PRKACA: variants seen among roughly 807,000 people sequenced by gnomAD.
The protein encoded by PRKACA is cAMP-dependent protein kinase catalytic subunit alpha.
Under a neutral mutation model 45.8 loss-of-function variants are expected in PRKACA, and 9 were observed. That is an observed-to-expected ratio of 0.20 (90% CI 0.12 to 0.34). PRKACA has a LOEUF of 0.34. Ranked by LOEUF, PRKACA falls within the 10% of genes least tolerant of loss-of-function variation. PRKACA has a pLI of 1.00. For missense variants in PRKACA, 238 were observed against 458.6 expected, an observed-to-expected ratio of 0.52 and a Z score of 4.39; for synonymous variants, 160 against 178.6, an observed-to-expected ratio of 0.90 and a Z score of 0.83.
intron 8 of PRKACA, among the ~76,000 whole-genome samples, chr19:14,095,809 C>T (rs1468754222): frequency 6.6e-6 from 1 of 152,114 alleles, no homozygotes; most frequent in Non-Finnish European, 1.5e-5. Context: ...AGCCACCGCG[C>T]CTGGCCTTCA....
chr19:14,101,455 A>T (rs1191160325), intron 4 of PRKACA, among the ~76,000 whole-genome samples: 1 of 152,086 alleles, frequency 6.6e-6, no homozygotes, highest in Non-Finnish European at 1.5e-5. Context: ...GTAGTCTCAT[A>T]CTCAGGAGAC....
intron 1 of PRKACA, chr19:14,107,990 C>T (rs1027498833): frequency 4.1e-6 from 4 of 985,976 alleles, no homozygotes; most frequent in Admixed American, 1.2e-4. Context: ...AACATCACCG[C>T]CTGGCTAATG....
intron 1 of PRKACA, among the ~76,000 whole-genome samples, chr19:14,113,342 G>A (rs535997025): frequency 6.6e-6 from 1 of 152,282 alleles, no homozygotes; most frequent in Non-Finnish European, 1.5e-5. Context: ...AAGTGGCAGA[G>A]GATGGTAACC....
chr19:14,103,690 G>A (rs1253268694), intron 3 of PRKACA, among the ~76,000 whole-genome samples: 6 of 152,220 alleles, frequency 3.9e-5, no homozygotes, highest in African/African-American at 1.4e-4. Context: ...ATTAGCCACA[G>A]GGGGATGCTG....
At chr19:14,114,243 G>C (rs759970476) in intron 1 of PRKACA, 7 of 1,547,764 alleles carry the variant, frequency 4.5e-6, no homozygotes, top group African/African-American at 2.7e-5. Flanking sequence ...TCTGTCCCCA[G>C]AACCCTGCCT....
chr19:14,096,212 TTGTG>T (rs1259052588), intron 8 of PRKACA, among the ~76,000 whole-genome samples: 1 of 151,044 alleles, frequency 6.6e-6, no homozygotes, highest in Non-Finnish European at 1.5e-5. Context: ...CTAATTTTTT[TTGTG>T]TGTGTTTTTA....
chr19:14,114,219 T>C (rs930360236), intron 1 of PRKACA: 15 of 1,584,850 alleles, frequency 9.5e-6, no homozygotes, highest in African/African-American at 1.3e-5. Context: ...AGACCTGCCG[T>C]GTCTGTTCGG....
chr19:14,107,433 T>G, intron 1 of PRKACA, 24 bp from the exon 2 acceptor site: 1 of 1,609,608 alleles, frequency 6.2e-7, no homozygotes, highest in Middle Eastern at 1.7e-4. Flanking sequence ...AGGGGAGAGT[T>G]ATACAGAGAC....
At position 14,106,850 on chromosome 19, in the gene PRKACA, G is replaced by A. The variant is rs1977623410; in HGVS notation, c.147C>T (p.Thr49=). The part of the protein sequence containing the change: ...AHLDQFERIK[T]LGTGSFGRVM... The stretch of plus-strand genomic sequence containing the variant: ...CCCGCCCGAAGGAGCCCGTGCCGAG[G>A]GTCTTGATTCGTTCAAACTGATCCA... The change falls in exon 3 of 10, where the codon ACC becomes ACT. Residue 49 remains threonine, a synonymous_variant. Coordinates refer to ENST00000308677, the MANE Select transcript of PRKACA (RefSeq NM_002730.4). 6.2e-7 allele frequency: 1 copy of A among 1,614,074 alleles called. No homozygotes were observed. Among genetic ancestry groups the A allele is most frequent in the African/African-American group, 1.3e-5 (1 of 74,942 alleles).
rs1783300861 is a variant in PRKACA, at chr19:14,092,472, T to C, written c.*640A>G. On this transcript the variant is annotated 3_prime_UTR_variant, in exon 10 of 10. Transcript: ENST00000308677. ...CTTTCCAAAGTCAGTCTGCTTCTCT[T>C]TAAAATGGATTTGAGGAATGGGGGG... 5.1e-6 allele frequency: 2 copies of C among 393,930 alleles called. No individual in the cohort carries two copies. Among genetic ancestry groups the C allele is most frequent in the African/African-American group, 4.1e-5 (2 of 48,356 alleles). 24.4% of individuals were successfully genotyped at this position (393,930 alleles called of 1,614,324 possible).
chr19:14,101,278 T>G (rs1977433804), intron 4 of PRKACA: 1 of 236,886 alleles, frequency 4.2e-6, no homozygotes, highest in Non-Finnish European at 8.6e-6. Context: ...AAAAAATTAT[T>G]ACAGAGGGTC....
rs775500643 is a variant in PRKACA, at chr19:14,097,626, A to G, written c.595T>C (p.Leu199=). The G allele has an allele frequency of 9.9e-6, 16 of 1,612,464 alleles. No homozygotes were observed. The highest frequency in any genetic ancestry group is 1.3e-5 in the African/African-American group (1 of 74,976). The part of the protein sequence containing the change: ...AKRVKGRTWT[L]CGTPEYLAPE... ...GCCAGGTACTCAGGGGTGCCGCACA[A>G]GGTCCAAGTGCGGCCCTTCACGCGC... The change falls in exon 7 of 10, where the codon TTG becomes CTG. Residue 199 remains leucine, a synonymous_variant. Coordinates refer to ENST00000308677, the MANE Select transcript of PRKACA (RefSeq NM_002730.4). The surrounding 1 kb of genome is among the most constrained non-coding windows in gnomAD (Gnocchi z 5.4).
At chr19:14,114,061 G>C in intron 1 of PRKACA, 3 of 1,520,616 alleles carry the variant, frequency 2.0e-6, no homozygotes, top group Middle Eastern at 3.4e-4. Context: ...CCCAGACCCC[G>C]CTGCAGCCCC....
intron 1 of PRKACA, among the ~76,000 whole-genome samples, chr19:14,109,223 C>T (rs1208940835): frequency 2.0e-5 from 3 of 151,730 alleles, no homozygotes; most frequent in African/African-American, 7.3e-5. Flanking sequence ...TGGGTCACAC[C>T]TATAATCCCA....
At chr19:14,099,989 C>T (rs1437045530) in intron 5 of PRKACA, among the ~76,000 whole-genome samples, 2 of 151,976 alleles carry the variant, frequency 1.3e-5, no homozygotes, top group African/African-American at 4.8e-5. Context: ...TATAGGCGCC[C>T]GCCATCACAC....
At position 14,116,779 on chromosome 19, in the gene PRKACA, C is replaced by T. The variant is rs115875024; in HGVS notation, c.46+723G>A. On this transcript the variant is annotated intron_variant, in intron 1 of 9. Transcript: ENST00000308677. ...TACGTTCATAAACAGTCTGCTACCC[C>T]AGCCAGGGACAGACGCTTGCTTGGA... Among the ~76,000 whole-genome samples the T allele has an allele frequency of 2.8e-3, 433 of 152,212 alleles. 3 individuals are homozygous for T. The highest frequency in any genetic ancestry group is 9.6e-3 in the African/African-American group (400 of 41,526).
intron 1 of PRKACA, among the ~76,000 whole-genome samples, chr19:14,109,966 ATATATAT>A (rs1295367949): frequency 8.5e-4 from 21 of 24,568 alleles, no homozygotes; most frequent in African/African-American, 2.5e-3. Flanking sequence ...AAAAAAAAAA[ATATATAT>A]ATATATATAT....
chr19:14,101,992 T>C (rs1977455495), intron 4 of PRKACA, among the ~76,000 whole-genome samples: 1 of 151,406 alleles, frequency 6.6e-6, no homozygotes, highest in African/African-American at 2.4e-5. Flanking sequence ...GGCAAAATCC[T>C]GTCTCTACTA....
At chr19:14,115,140 T>G in intron 1 of PRKACA, 1 of 984,182 alleles carries the variant, frequency 1.0e-6, no homozygotes, top group Non-Finnish European at 1.2e-6. Context: ...CTTCGGGCGT[T>G]TCTCAACGTG....
Sources: gnomAD v4.1 joint callset for allele counts (sites outside exome capture counted in the v4.1 genomes callset) on GRCh38, gnomAD v4.1.1 for gene constraint, Gnocchi (gnomAD v3.1) non-coding constraint, MANE v1.5 for transcripts, NCBI Gene and HGNC (gene_info 2026-07-23, HGNC 2026-07-21) for gene names.